The following CTNNA2 variants were observed in gnomAD, a reference collection of about 807,000 sequenced individuals.
CTNNA2 encodes catenin alpha-2.
CTNNA2 carries 42 observed loss-of-function variants against 101.0 expected under a neutral mutation model. That is an observed-to-expected ratio of 0.42 (90% CI 0.32 to 0.54). The LOEUF is 0.54. CTNNA2 is among the 20% of genes least tolerant of loss of function. CTNNA2 has a pLI of 0.14. For synonymous variants in CTNNA2, 450 were observed against 456.4 expected (o/e 0.99, Z 0.18); for missense variants, 871 against 1,223.1 (o/e 0.71, Z 4.29).
intron 7 of CTNNA2, among the ~76,000 whole-genome samples, chr2:80,201,267 G>T (rs1707187741): frequency 1.3e-5 from 2 of 151,640 alleles, no homozygotes; most frequent in Admixed American, 1.3e-4. Flanking sequence ...AGATAAGGAG[G>T]CCTGACTACA....
rs1023497883 is a variant in CTNNA2 at position 79,770,729 on chromosome 2, T to C, written c.298+26147T>C. On this transcript the variant is annotated intron_variant, in intron 3 of 18. Transcript: ENST00000402739. ...TATATATGTTCTTTTTAAACTCCAT[T>C]AGTTAAAAGTTAAATAATATGTTTC... is the stretch of plus-strand genomic sequence containing the variant. Among the ~76,000 whole-genome samples the C allele has an allele frequency of 2.6e-5, 4 of 152,326 alleles. No homozygotes were observed. In the East Asian group the frequency reaches 7.7e-4, roughly 29 times the overall value.
At chr2:79,697,706 C>T (rs1040357083) in intron 2 of CTNNA2, 1 of 151,948 alleles carries the variant, frequency 6.6e-6, no homozygotes, top group African/African-American at 2.4e-5. Flanking sequence ...CCTTTGGTTC[C>T]TAAAATAAGC....
chr2:79,463,422 C>T (rs1670900594), intron 4 of CTNNA2, among the ~76,000 whole-genome samples: 2 of 150,674 alleles, frequency 1.3e-5, no homozygotes, highest in South Asian at 2.1e-4. Flanking sequence ...AAAGAAAGTC[C>T]TGCTCCTGAT....
At chr2:79,565,490 G>A (rs1205970543) in intron 1 of CTNNA2, among the ~76,000 whole-genome samples, 1 of 152,108 alleles carries the variant, frequency 6.6e-6, no homozygotes, top group Non-Finnish European at 1.5e-5. Flanking sequence ...GCATGTCTGG[G>A]CAGGAAGAAG....
At chr2:79,905,167 A>G (rs148066656) in intron 6 of CTNNA2, among the ~76,000 whole-genome samples, 1 of 152,314 alleles carries the variant, frequency 6.6e-6, no homozygotes, top group East Asian at 1.9e-4. Context: ...AATTTTTTAA[A>G]GTAGAGATGT....
At chr2:80,452,864 G>A (rs915705339) in intron 9 of CTNNA2, among the ~76,000 whole-genome samples, 1 of 146,850 alleles carries the variant, frequency 6.8e-6, no homozygotes, top group African/African-American at 2.7e-5. Context: ...ATTTATTCTT[G>A]GGATACAGCA....
chr2:80,071,938 A>G (rs1484466), intron 7 of CTNNA2, among the ~76,000 whole-genome samples: 41,051 of 152,060 alleles, frequency 0.27, 6,812 homozygotes, highest in East Asian at 0.69. Flanking sequence ...GGAAGAGAAC[A>G]AGAGGGAGGC....
chr2:80,297,002 G>A (rs770123437), intron 7 of CTNNA2, among the ~76,000 whole-genome samples: 1 of 152,160 alleles, frequency 6.6e-6, no homozygotes, highest in Non-Finnish European at 1.5e-5. Flanking sequence ...TACTCTCTCT[G>A]AGTCTAAAAT....
intron 7 of CTNNA2, among the ~76,000 whole-genome samples, chr2:80,201,510 A>T (rs770165265): frequency 9.3e-5 from 14 of 150,960 alleles, no homozygotes; most frequent in Non-Finnish European, 1.9e-4. Context: ...AGTAGCTGGG[A>T]CTACAGGCGC....
At chr2:80,551,737 T>G (rs1426886974) in intron 11 of CTNNA2, among the ~76,000 whole-genome samples, 2 of 152,218 alleles carry the variant, frequency 1.3e-5, no homozygotes, top group African/African-American at 4.8e-5. Context: ...GATCTTCTAT[T>G]TAGACCACTC....
At chr2:80,016,511 A>C (rs1055672500) in intron 7 of CTNNA2, among the ~76,000 whole-genome samples, 1 of 152,224 alleles carries the variant, frequency 6.6e-6, no homozygotes, top group Non-Finnish European at 1.5e-5. Flanking sequence ...TGACACTTTA[A>C]GAAATATTAA....
chr2:79,240,633 T>C (rs1414648514), intron 2 of CTNNA2, among the ~76,000 whole-genome samples: 1 of 152,136 alleles, frequency 6.6e-6, no homozygotes, highest in Non-Finnish European at 1.5e-5. Flanking sequence ...TGATAAAATC[T>C]CATTTATCCT....
chr2:80,020,093 A>G (rs1694448292), intron 7 of CTNNA2, among the ~76,000 whole-genome samples: 1 of 152,236 alleles, frequency 6.6e-6, no homozygotes, highest in South Asian at 2.1e-4. Flanking sequence ...AAAGAGCTTC[A>G]ACTAGAGAGC....
intron 7 of CTNNA2, among the ~76,000 whole-genome samples, chr2:80,124,368 C>T (rs1374195779): frequency 6.6e-6 from 1 of 152,124 alleles, no homozygotes; most frequent in Admixed American, 6.6e-5. Context: ...ATTAGATCCT[C>T]ATCATAATCT....
chr2:80,640,247 C>CCTGTTAAAATGTCTGCTCTTGG (rs1232355818), intron 18 of CTNNA2, among the ~76,000 whole-genome samples: 8 of 152,012 alleles, frequency 5.3e-5, no homozygotes, highest in Non-Finnish European at 1.2e-4. Flanking sequence ...TTTGGACAAC[C>CCTGTTAAAATGTCTGCTCTTGG]CTGTTAAAAT....
chr2:80,022,636 C>T (rs1334545319), intron 7 of CTNNA2, among the ~76,000 whole-genome samples: 4 of 151,954 alleles, frequency 2.6e-5, no homozygotes, highest in East Asian at 3.9e-4. Context: ...GATGAACTAA[C>T]GGAAGAGACA....
intron 7 of CTNNA2, among the ~76,000 whole-genome samples, chr2:80,054,453 C>G (rs1697084821): frequency 6.6e-6 from 1 of 152,182 alleles, no homozygotes; most frequent in Non-Finnish European, 1.5e-5. Context: ...CCGCAATTTG[C>G]CTGTTGTACA....
chr2:79,859,383 TAA>T lies in CTNNA2; in HGVS notation c.465+1205_465+1206del, dbSNP rs576854671. ...AATCATCAAGAAATTACTTAAATCA[TAA>T]CTATTCTCTGTCAAAAAACCTTGGG... On this transcript the variant is annotated intron_variant, in intron 4 of 18. Transcript: ENST00000402739. Among the ~76,000 whole-genome samples the T allele has an allele frequency of 2.8e-3, 428 of 152,210 alleles. 2 individuals are homozygous for T. The highest frequency in any genetic ancestry group is 9.6e-3 in the African/African-American group (399 of 41,548).
At chr2:80,646,572 T>G (rs2149871426) in intron 18 of CTNNA2, among the ~76,000 whole-genome samples, 1 of 152,020 alleles carries the variant, frequency 6.6e-6, no homozygotes, top group East Asian at 1.9e-4. Context: ...TTGGTTGGGC[T>G]ATAACATTGA....
Sources: gnomAD v4.1 joint callset for allele counts (sites outside exome capture counted in the v4.1 genomes callset) on GRCh38, gnomAD v4.1.1 for gene constraint, MANE v1.5 for transcripts, NCBI Gene and HGNC (gene_info 2026-07-23, HGNC 2026-07-21) for gene names.